Variants in CDH13 observed in about 807,000 individuals in gnomAD.
CDH13 encodes the protein cadherin-13.
CDH13 carries 24 observed loss-of-function variants against 63.8 expected under a neutral mutation model. The observed-to-expected ratio is 0.38, with a 90% confidence interval of 0.27 to 0.53. The LOEUF (loss-of-function observed/expected upper bound fraction) is 0.53, where lower values mean the gene tolerates loss of function less well. Among genes scored for constraint, CDH13 ranks in the 20% least tolerant of loss-of-function variants. The probability of loss-of-function intolerance (pLI) is 0.85; values close to 1 mark genes in which losing one functional copy is unlikely to be tolerated. For synonymous variants in CDH13, 503 were observed against 355.3 expected (o/e 1.42, Z -4.67); for missense variants, 1,049 against 903.1 (o/e 1.16, Z -2.07).
chr16:82,926,835 T>C (rs958997972), intron 2 of CDH13, among the ~76,000 whole-genome samples: 4 of 152,222 alleles, frequency 2.6e-5, no homozygotes, highest in South Asian at 4.1e-4. Flanking sequence ...GAAGATGTTG[T>C]ATTAATACTT....
At position 83,060,065 on chromosome 16, in the gene CDH13, A is replaced by G. The variant is rs902966023; in HGVS notation, c.366+27847A>G. On this transcript the variant is annotated intron_variant, in intron 3 of 13. Coordinates refer to ENST00000567109, the MANE Select transcript of CDH13 (RefSeq NM_001257.5). ...AGCCTCGGCCTCCCAAATTGCTGGG[A>G]TTACAAACGTGAGCCACCGCACCCG... 2.0e-5 allele frequency among the ~76,000 whole-genome samples: 3 copies of G among 151,998 alleles called. 1 individual carries two copies. The highest frequency in any genetic ancestry group is 4.4e-5 in the Non-Finnish European group (3 of 67,988).
intron 2 of CDH13, among the ~76,000 whole-genome samples, chr16:82,931,293 G>C (rs186935800): frequency 1.3e-5 from 2 of 152,278 alleles, no homozygotes; most frequent in East Asian, 3.9e-4. Context: ...TTGAAAGCGT[G>C]TCTGATAACA....
intron 2 of CDH13, among the ~76,000 whole-genome samples, chr16:82,930,802 A>G (rs1008189748): frequency 6.6e-6 from 1 of 152,212 alleles, no homozygotes; most frequent in African/African-American, 2.4e-5. Context: ...GGCAGTGGGG[A>G]TTAATAGCCC....
intron 8 of CDH13, among the ~76,000 whole-genome samples, chr16:83,659,978 G>T (rs895075583): frequency 1.3e-5 from 2 of 151,886 alleles, no homozygotes; most frequent in Non-Finnish European, 2.9e-5. Flanking sequence ...GTAGAGACGG[G>T]ATTTCGCCAT....
intron 5 of CDH13, among the ~76,000 whole-genome samples, chr16:83,293,728 A>G (rs13336942): frequency 0.041 from 6,231 of 152,246 alleles, 436 homozygotes; most frequent in African/African-American, 0.14. Context: ...GTGTGGGAAA[A>G]CAAATTTTAG....
At chr16:83,459,046 T>C (rs1355057903) in intron 6 of CDH13, among the ~76,000 whole-genome samples, 8 of 152,260 alleles carry the variant, frequency 5.3e-5, no homozygotes, top group Admixed American at 5.2e-4. Flanking sequence ...CTTGTTTTCC[T>C]CTATGACTAA....
intron 10 of CDH13, among the ~76,000 whole-genome samples, chr16:83,699,467 G>T (rs1176742613): frequency 1.3e-5 from 2 of 152,168 alleles, no homozygotes; most frequent in African/African-American, 4.8e-5. Context: ...AATTCCAGAG[G>T]ATTGGAGAAG....
intron 2 of CDH13, among the ~76,000 whole-genome samples, chr16:82,887,634 A>T (rs1408661293): frequency 1.3e-5 from 2 of 152,202 alleles, no homozygotes; most frequent in African/African-American, 4.8e-5. Context: ...GAGTCTGGCC[A>T]ACGTGGTGAA....
intron 5 of CDH13, among the ~76,000 whole-genome samples, chr16:83,255,642 G>C (rs191959827): frequency 3.8e-4 from 58 of 152,230 alleles, no homozygotes; most frequent in South Asian, 8.3e-4. Context: ...TTGGCATCTA[G>C]ACCTGTTGTT....
intron 5 of CDH13, among the ~76,000 whole-genome samples, chr16:83,255,110 C>G (rs1276665737): frequency 6.6e-6 from 1 of 151,974 alleles, no homozygotes; most frequent in Admixed American, 6.6e-5. Context: ...TGCACAAAAC[C>G]TCTGCTATTA....
At chr16:83,668,084 A>C (rs1048588789) in intron 8 of CDH13, among the ~76,000 whole-genome samples, 2 of 152,202 alleles carry the variant, frequency 1.3e-5, no homozygotes, top group Non-Finnish European at 2.9e-5. Flanking sequence ...AGATCAGTCC[A>C]TCCCTGGTCT....
Position 82,902,052 on chromosome 16 carries a change from T to A in CDH13, c.157+43579T>A, listed in dbSNP as rs11150520. Among the ~76,000 whole-genome samples, 489 of 152,348 alleles carry A rather than the reference T, an allele frequency of 3.2e-3. 5 individuals carry two copies. Among genetic ancestry groups the A allele is most frequent in the African/African-American group, 0.011 (472 of 41,592 alleles). The stretch of plus-strand genomic sequence containing the variant: ...GGCAGAGTCAAGACTCAAACACAAG[T>A]CTGTCTCATTTCAAAACTTGGGCTG... On this transcript the variant is annotated intron_variant, in intron 2 of 13. Coordinates refer to ENST00000567109, the MANE Select transcript of CDH13 (RefSeq NM_001257.5).
intron 4 of CDH13, among the ~76,000 whole-genome samples, chr16:83,191,232 G>A (rs2038687018): frequency 6.9e-6 from 1 of 144,100 alleles, no homozygotes; most frequent in Non-Finnish European, 1.5e-5. Context: ...TCAGTGTTTA[G>A]CACCACTGGG....
At chr16:82,852,782 C>G (rs1057289807) in intron 1 of CDH13, among the ~76,000 whole-genome samples, 1 of 152,180 alleles carries the variant, frequency 6.6e-6, no homozygotes, top group African/African-American at 2.4e-5. Context: ...GAGAGGGGCA[C>G]TCTACATAAC....
At chr16:83,618,136 C>T (rs572441368) in intron 8 of CDH13, among the ~76,000 whole-genome samples, 1 of 134,284 alleles carries the variant, frequency 7.4e-6, no homozygotes, top group East Asian at 2.4e-4. Flanking sequence ...TGTTGCAAAG[C>T]ACTTGCGGCC....
chr16:82,641,031 A>T (rs1909330847), intron 1 of CDH13, among the ~76,000 whole-genome samples: 1 of 152,184 alleles, frequency 6.6e-6, no homozygotes, highest in Non-Finnish European at 1.5e-5. Context: ...GGAGAGTGAG[A>T]CCAAGAAGAA....
intron 1 of CDH13, among the ~76,000 whole-genome samples, chr16:82,684,583 C>A (rs1037352049): frequency 8.6e-5 from 13 of 151,982 alleles, no homozygotes; most frequent in Non-Finnish European, 7.4e-5. Context: ...GGGGAGCTAC[C>A]TTAATGTATG....
chr16:82,914,134 C>T (rs1022439993), intron 2 of CDH13, among the ~76,000 whole-genome samples: 6 of 152,216 alleles, frequency 3.9e-5, no homozygotes, highest in East Asian at 3.9e-4. Flanking sequence ...TTTCTTCTAG[C>T]GATCTGACAA....
intron 2 of CDH13, among the ~76,000 whole-genome samples, chr16:83,030,640 T>TAAAAAAAAAAAAAAAAAAAAAAA (rs35207887): frequency 1.1e-5 from 1 of 92,916 alleles, no homozygotes; most frequent in Non-Finnish European, 2.0e-5. Context: ...AAGACTCTGT[T>TAAAAAAAAAAAAAAAAAAAAAAA]AAAAAAAAAA....
Sources: allele counts gnomAD v4.1 joint callset (sites outside exome capture counted in the v4.1 genomes callset), GRCh38; gene constraint gnomAD v4.1.1; transcripts MANE v1.5; gene names NCBI Gene and HGNC (gene_info 2026-07-23, HGNC 2026-07-21).